Variants in SYT16 observed in about 807,000 individuals in gnomAD.
The protein encoded by SYT16 is synaptotagmin-16.
Under a neutral mutation model 61.4 loss-of-function variants are expected in SYT16, and 42 were observed. The ratio of observed to expected loss-of-function variants is 0.68; its 90% CI spans 0.53 to 0.89. The LOEUF is 0.89. Among genes scored for constraint, SYT16 ranks in the 40% least tolerant of loss-of-function variants. SYT16 has a pLI of 0.00. For synonymous variants in SYT16, 314 were observed against 302.3 expected (o/e 1.04, Z -0.40); for missense variants, 804 against 807.3 (o/e 1.00, Z 0.05).
intron 1 of SYT16, among the ~76,000 whole-genome samples, chr14:61,882,519 C>T (rs2047736241): frequency 6.6e-6 from 1 of 152,124 alleles, no homozygotes; most frequent in Non-Finnish European, 1.5e-5. Context: ...CTAGTCTTGC[C>T]CTTAACACAT....
chr14:61,946,209 A>T (rs1414524376), intron 1 of SYT16, among the ~76,000 whole-genome samples: 1 of 151,524 alleles, frequency 6.6e-6, no homozygotes, highest in Non-Finnish European at 1.5e-5. Flanking sequence ...AAAGTACAAT[A>T]AAAAAAAGGA....
rs118164188 is a variant in SYT16 at position 61,937,815 on chromosome 14, C to G, written c.-324-32317C>G. On this transcript the variant is annotated intron_variant, in intron 1 of 7. Transcript: ENST00000683842. ...TGTCCCTAACTTGGCAGTGGGAAACCCCAGGGACTCCCATGTTTATGGTCA... is the reference window on the plus strand; with the variant it reads ...TGTCCCTAACTTGGCAGTGGGAAACGCCAGGGACTCCCATGTTTATGGTCA... 4.4e-3 allele frequency among the ~76,000 whole-genome samples: 662 copies of G among 152,128 alleles called. 8 individuals carry two copies. The highest frequency in any genetic ancestry group is 6.9e-3 in the Non-Finnish European group (468 of 67,990).
chr14:61,988,811 C>T (rs1042565907), intron 2 of SYT16, among the ~76,000 whole-genome samples: 4 of 152,106 alleles, frequency 2.6e-5, no homozygotes, highest in East Asian at 1.9e-4. Flanking sequence ...GATTTGAACC[C>T]CACACTTGTC....
intron 1 of SYT16, among the ~76,000 whole-genome samples, chr14:61,922,472 G>A (rs929422475): frequency 1.3e-5 from 2 of 152,156 alleles, no homozygotes; most frequent in African/African-American, 4.8e-5. Flanking sequence ...ATAAGTGGGA[G>A]CTAAATAATG....
intron 1 of SYT16, among the ~76,000 whole-genome samples, chr14:61,931,489 G>A (rs748788397): frequency 1.3e-5 from 2 of 152,088 alleles, no homozygotes. Flanking sequence ...TTATTTTGAT[G>A]TATAGCTTTC....
chr14:61,827,459 G>A (rs1159709744), intron 1 of SYT16, among the ~76,000 whole-genome samples: 1 of 152,058 alleles, frequency 6.6e-6, no homozygotes, highest in Admixed American at 6.5e-5. Context: ...TCTTTTTGTC[G>A]ATGTTGGTTT....
At chr14:61,890,098 A>C (rs1184508086) in intron 1 of SYT16, among the ~76,000 whole-genome samples, 1 of 152,220 alleles carries the variant, frequency 6.6e-6, no homozygotes. Flanking sequence ...ACCCTGGGTT[A>C]GGAGGATCAT....
intron 3 of SYT16, among the ~76,000 whole-genome samples, chr14:62,026,381 C>T (rs1309094408): frequency 6.6e-6 from 1 of 152,174 alleles, no homozygotes; most frequent in African/African-American, 2.4e-5. Context: ...AAGATCAAGG[C>T]ACTGGTATCT....
chr14:62,058,419 G>A (rs1480696055), intron 3 of SYT16, among the ~76,000 whole-genome samples: 5 of 147,518 alleles, frequency 3.4e-5, no homozygotes, highest in African/African-American at 1.3e-4. Context: ...GTGCAGTGGT[G>A]CAATCTCGGC....
chr14:62,082,855 G>A (rs905029705), intron 6 of SYT16, among the ~76,000 whole-genome samples: 1 of 152,210 alleles, frequency 6.6e-6, no homozygotes, highest in Non-Finnish European at 1.5e-5. Context: ...GCAGGTGGAA[G>A]TCTTTCATTC....
chr14:62,006,129 A>C (rs1440865078), intron 3 of SYT16, among the ~76,000 whole-genome samples: 1 of 152,140 alleles, frequency 6.6e-6, no homozygotes, highest in Non-Finnish European at 1.5e-5. Flanking sequence ...GGGCCCTATA[A>C]AACTAGGATA....
intron 3 of SYT16, among the ~76,000 whole-genome samples, chr14:62,018,864 CTTGT>C (rs1566769365): frequency 2.0e-5 from 3 of 152,158 alleles, no homozygotes; most frequent in Admixed American, 6.5e-5. Flanking sequence ...ACCTGTTTTA[CTTGT>C]TTGTTTGTTT....
chr14:61,962,975 T>C (rs1000240758), intron 1 of SYT16, among the ~76,000 whole-genome samples: 1 of 152,170 alleles, frequency 6.6e-6, no homozygotes, highest in Non-Finnish European at 1.5e-5. Flanking sequence ...GATGTATTTG[T>C]CAAGCAGTTT....
intron 1 of SYT16, among the ~76,000 whole-genome samples, chr14:61,952,019 G>C (rs1046232457): frequency 1.3e-5 from 2 of 152,076 alleles, no homozygotes; most frequent in Non-Finnish European, 2.9e-5. Flanking sequence ...GAACTCCTGG[G>C]CTCAAGCGTC....
At chr14:61,848,407 T>G (rs1032343168) in intron 1 of SYT16, among the ~76,000 whole-genome samples, 11 of 150,446 alleles carry the variant, frequency 7.3e-5, no homozygotes, top group South Asian at 2.1e-4. Flanking sequence ...TTCCTTACTT[T>G]CTCCAAAACA....
intron 1 of SYT16, among the ~76,000 whole-genome samples, chr14:61,900,588 A>G (rs977908472): frequency 7.6e-6 from 1 of 130,746 alleles, no homozygotes; most frequent in Non-Finnish European, 1.6e-5. Context: ...TTTAAATCAA[A>G]AGAGAACTTA....
chr14:61,967,956 T>C (rs1298323142), intron 1 of SYT16, among the ~76,000 whole-genome samples: 1 of 152,058 alleles, frequency 6.6e-6, no homozygotes, highest in Non-Finnish European at 1.5e-5. Flanking sequence ...CCAGGAACTT[T>C]AGAGGTAAGA....
At chr14:61,966,186 A>G (rs144420223) in intron 1 of SYT16, among the ~76,000 whole-genome samples, 1 of 151,996 alleles carries the variant, frequency 6.6e-6, no homozygotes, top group Admixed American at 6.6e-5. Context: ...TATTTTGAGT[A>G]ACATAAGGGC....
At chr14:61,833,491 C>G (rs1448587141) in intron 1 of SYT16, among the ~76,000 whole-genome samples, 1 of 151,690 alleles carries the variant, frequency 6.6e-6, no homozygotes, top group Non-Finnish European at 1.5e-5. Flanking sequence ...GGGGTTTCTC[C>G]ATGTTGGTCA....
Sources: gnomAD v4.1 joint callset for allele counts (sites outside exome capture counted in the v4.1 genomes callset) on GRCh38, gnomAD v4.1.1 for gene constraint, MANE v1.5 for transcripts, NCBI Gene and HGNC (gene_info 2026-07-23, HGNC 2026-07-21) for gene names.